Variants in TENM4 observed in about 807,000 individuals in gnomAD.
TENM4 encodes teneurin-4.
A neutral mutation model predicts 243.3 loss-of-function variants in TENM4; 82 were observed. The observed-to-expected ratio is 0.34, with a 90% CI of 0.28 to 0.40. The LOEUF is 0.40. Ranked by LOEUF, TENM4 falls within the 10% of genes least tolerant of loss-of-function variation. The probability of loss-of-function intolerance (pLI) is 1.00; values close to 1 mark genes in which losing one functional copy is unlikely to be tolerated. For synonymous variants in TENM4, 1,412 were observed against 1,456.3 expected (o/e 0.97, Z 0.69); for missense variants, 3,138 against 3,673.3 (o/e 0.85, Z 3.77).
At chr11:78,715,185 C>A (rs1376811044) in intron 25 of TENM4, among the ~76,000 whole-genome samples, 1 of 152,196 alleles carries the variant, frequency 6.6e-6, no homozygotes, top group East Asian at 1.9e-4. Context: ...CTGAGACTTA[C>A]CCTATAATGT....
chr11:79,405,467 AGGC>A (rs1858546472), intron 1 of TENM4, among the ~76,000 whole-genome samples: 2 of 149,580 alleles, frequency 1.3e-5, no homozygotes, highest in Non-Finnish European at 3.0e-5. Context: ...TTGTAGAAGA[AGGC>A]TTAGAATGTA....
chr11:78,939,496 C>CA (rs1856847475), intron 6 of TENM4, among the ~76,000 whole-genome samples: 1 of 152,096 alleles, frequency 6.6e-6, no homozygotes. Flanking sequence ...TGCCTGTACC[C>CA]AAAAAACTCT....
At position 78,670,393 on chromosome 11, in the gene TENM4, GC is replaced by G; in HGVS notation, c.5951del (p.Gly1984AlafsTer27). Reference sequence around the variant, plus strand: ...TGAAGTCCTGTATGACTGAGGCATTGCCCTCAGGGGGCTGATAGATGTTTCT... The same window carrying G: ...TGAAGTCCTGTATGACTGAGGCATTGCCTCAGGGGGCTGATAGATGTTTCT... ...YYRNIYQPPE[G>X]NASVIQDFTE... On this transcript the variant is annotated frameshift_variant, in exon 32 of 34. Transcript: ENST00000278550. LOFTEE classifies it high-confidence loss of function. The G allele has an allele frequency of 6.2e-7, 1 of 1,613,960 alleles. No homozygotes were observed. The highest frequency in any genetic ancestry group is 8.5e-7 in the Non-Finnish European group (1 of 1,179,866).
intron 2 of TENM4, among the ~76,000 whole-genome samples, chr11:79,271,003 G>C (rs545899931): frequency 6.6e-6 from 1 of 152,260 alleles, no homozygotes; most frequent in South Asian, 2.1e-4. Flanking sequence ...AGTCACAAAA[G>C]GTTTGGAAAC....
At chr11:78,875,622 G>A (rs1340858550) in intron 9 of TENM4, among the ~76,000 whole-genome samples, 1 of 152,190 alleles carries the variant, frequency 6.6e-6, no homozygotes, top group East Asian at 1.9e-4. Flanking sequence ...GAGAGGATGG[G>A]CTCTGGGTGT....
At chr11:78,752,067 TCATCTCTGTCACTCTC>T (rs899950380) in intron 19 of TENM4, among the ~76,000 whole-genome samples, 12 of 152,196 alleles carry the variant, frequency 7.9e-5, no homozygotes, top group African/African-American at 2.4e-4. Flanking sequence ...CTACTTTAGG[TCATCTCTGTCACTCTC>T]CATCACAGCT....
At chr11:78,924,079 T>A (rs2136396149) in intron 6 of TENM4, among the ~76,000 whole-genome samples, 1 of 152,288 alleles carries the variant, frequency 6.6e-6, no homozygotes, top group Non-Finnish European at 1.5e-5. Context: ...TGTCTCAAAC[T>A]CCTGACCTCA....
chr11:78,921,722 T>C (rs931941497), intron 6 of TENM4, among the ~76,000 whole-genome samples: 1 of 152,148 alleles, frequency 6.6e-6, no homozygotes, highest in Non-Finnish European at 1.5e-5. Context: ...CTCAAGGCAA[T>C]GTTTTGGGCT....
chr11:79,023,860 G>T (rs1231361606), intron 6 of TENM4, among the ~76,000 whole-genome samples: 2 of 152,198 alleles, frequency 1.3e-5, no homozygotes, highest in East Asian at 3.9e-4. Flanking sequence ...GCTATTCCCT[G>T]ATGTGGCTTG....
At chr11:78,781,975 A>G (rs1360302596) in intron 16 of TENM4, among the ~76,000 whole-genome samples, 8 of 152,242 alleles carry the variant, frequency 5.3e-5, no homozygotes, top group South Asian at 2.1e-4. Context: ...CTTGAGGTAG[A>G]TCCCTGTACA....
At chr11:78,876,438 T>C (rs997431182) in intron 9 of TENM4, among the ~76,000 whole-genome samples, 2 of 152,254 alleles carry the variant, frequency 1.3e-5, no homozygotes, top group African/African-American at 4.8e-5. Context: ...TGCAGAAATA[T>C]CCAACATTCC....
At chr11:79,130,395 A>G (rs1861977609) in intron 4 of TENM4, among the ~76,000 whole-genome samples, 1 of 152,146 alleles carries the variant, frequency 6.6e-6, no homozygotes, top group Non-Finnish European at 1.5e-5. Context: ...GAAATCCCTG[A>G]TGTACCTGAA....
At chr11:78,832,160 C>T (rs17137221) in intron 12 of TENM4, among the ~76,000 whole-genome samples, 13,460 of 152,266 alleles carry the variant, frequency 0.088, 988 homozygotes, top group African/African-American at 0.2. Context: ...CAAGCAGCTT[C>T]TCATCTTGGA....
At chr11:78,674,558 C>CA (rs1029945817) in intron 30 of TENM4, among the ~76,000 whole-genome samples, 6 of 152,212 alleles carry the variant, frequency 3.9e-5, no homozygotes, top group African/African-American at 1.4e-4. Context: ...ACCTGAGGCT[C>CA]AGAGGAGCTG....
intron 3 of TENM4, among the ~76,000 whole-genome samples, chr11:79,180,012 T>C (rs1449744436): frequency 6.6e-6 from 1 of 151,762 alleles, no homozygotes; most frequent in African/African-American, 2.4e-5. Flanking sequence ...TCTCTCTGTC[T>C]CCAAAACCTA....
chr11:78,884,149 C>T (rs1274588384), intron 9 of TENM4, among the ~76,000 whole-genome samples: 1 of 152,130 alleles, frequency 6.6e-6, no homozygotes, highest in African/African-American at 2.4e-5. Context: ...TATTATAATC[C>T]TCACTTTACA....
chr11:79,003,127 G>A (rs1006010496), intron 6 of TENM4, among the ~76,000 whole-genome samples: 1 of 152,080 alleles, frequency 6.6e-6, no homozygotes, highest in Admixed American at 6.5e-5. Context: ...AAAGAAGAAT[G>A]AACAAAGCCT....
rs1430910027 is a variant in TENM4 at position 78,683,309 on chromosome 11, G to C, written c.5260+4745C>G. On this transcript the variant is annotated intron_variant, in intron 29 of 33. Transcript: ENST00000278550. ...CTTGAGCTGTGGTGGGCTCCACCCA[G>C]TTCGAGCTTCGCGGCTGCTTTGTTT... Among the ~76,000 whole-genome samples the C allele has an allele frequency of 2.8e-5, 2 of 72,358 alleles. 1 individual carries two copies. The highest frequency in any genetic ancestry group is 1.5e-4 in the African/African-American group (2 of 13,370). The allele number at this position is 72,358 out of a possible 152,430, so 47.5% of individuals were successfully genotyped here. A position where few individuals can be genotyped will look rare whatever the true frequency, so the allele number is the denominator to read the frequency against.
At chr11:79,306,640 G>C (rs1332405607) in intron 1 of TENM4, among the ~76,000 whole-genome samples, 2 of 152,114 alleles carry the variant, frequency 1.3e-5, no homozygotes, top group Non-Finnish European at 2.9e-5. Context: ...TACCAACTAT[G>C]CCCCTGGTAG....
Sources: allele counts gnomAD v4.1 joint callset (sites outside exome capture counted in the v4.1 genomes callset), GRCh38; gene constraint gnomAD v4.1.1; transcripts MANE v1.5; gene names NCBI Gene and HGNC (gene_info 2026-07-23, HGNC 2026-07-21).